SNTG1: variants seen among roughly 807,000 people sequenced by gnomAD.
SNTG1 encodes the protein gamma-1-syntrophin.
SNTG1 carries 39 observed loss-of-function variants against 74.7 expected under a neutral mutation model. That is an observed-to-expected ratio of 0.52 (90% CI 0.40 to 0.68). The LOEUF is 0.68. Ranked by LOEUF, SNTG1 falls within the 30% of genes least tolerant of loss-of-function variation. SNTG1 has a pLI of 0.00. For synonymous variants in SNTG1, 254 were observed against 217.1 expected (o/e 1.17, Z -1.49); for missense variants, 685 against 609.5 (o/e 1.12, Z -1.30).
rs376851193 is a variant in SNTG1, at chr8:49,992,882, A to C, written c.-103+80651A>C. Among the ~76,000 whole-genome samples the C allele has an allele frequency of 3.6e-4, 55 of 152,354 alleles. No individual in the cohort carries two copies. The East Asian group carries it at 3.9e-3, about 11-fold the overall frequency. On this transcript the variant is annotated intron_variant, in intron 1 of 18. Coordinates refer to ENST00000642720, the MANE Select transcript of SNTG1 (RefSeq NM_018967.5). ...CACACATACTAAAATCACCTTTATT[A>C]GAATAACACTAGTGATAATTATATT...
intron 2 of SNTG1, among the ~76,000 whole-genome samples, chr8:50,253,322 C>A (rs930670591): frequency 5.9e-5 from 9 of 151,886 alleles, no homozygotes; most frequent in African/African-American, 2.2e-4. Context: ...ACTCAGGAGG[C>A]TGAGACAGGG....
At chr8:50,277,858 A>G (rs894456878) in intron 2 of SNTG1, among the ~76,000 whole-genome samples, 2 of 152,190 alleles carry the variant, frequency 1.3e-5, no homozygotes, top group Non-Finnish European at 2.9e-5. Flanking sequence ...ATCGATGGTT[A>G]TGAAAGGTAC....
At chr8:49,973,396 A>G (rs318900) in intron 1 of SNTG1, among the ~76,000 whole-genome samples, 132,971 of 151,844 alleles carry the variant, frequency 0.88, 58,397 homozygotes, top group East Asian at 1. Flanking sequence ...GTAGCATTAG[A>G]AGATATACCT....
intron 1 of SNTG1, among the ~76,000 whole-genome samples, chr8:50,127,729 A>G (rs572088195): frequency 6.6e-6 from 1 of 152,328 alleles, no homozygotes; most frequent in South Asian, 2.1e-4. Context: ...TATATTTCCA[A>G]AGTTATCTCA....
chr8:50,170,438 CACA>C (rs1563689936), intron 1 of SNTG1, among the ~76,000 whole-genome samples: 1 of 151,974 alleles, frequency 6.6e-6, no homozygotes, highest in African/African-American at 2.4e-5. Context: ...ATTATTTTGA[CACA>C]ACATCTAATT....
At chr8:50,507,949 G>T (rs1450372796) in intron 9 of SNTG1, among the ~76,000 whole-genome samples, 1 of 149,560 alleles carries the variant, frequency 6.7e-6, no homozygotes, top group Non-Finnish European at 1.5e-5. Context: ...TTAAGTTTTA[G>T]GGTACATGTA....
chr8:50,548,257 C>A (rs888489471), intron 11 of SNTG1, among the ~76,000 whole-genome samples: 2 of 152,042 alleles, frequency 1.3e-5, no homozygotes, highest in African/African-American at 4.8e-5. Context: ...GAAAAATAAC[C>A]ACGTAATTTG....
intron 8 of SNTG1, among the ~76,000 whole-genome samples, chr8:50,498,886 T>C (rs968172084): frequency 6.6e-6 from 1 of 151,780 alleles, no homozygotes; most frequent in Non-Finnish European, 1.5e-5. Flanking sequence ...GTTGAAAAAT[T>C]GTTGTTTATT....
intron 13 of SNTG1, among the ~76,000 whole-genome samples, chr8:50,615,696 T>C (rs1372525827): frequency 6.6e-6 from 1 of 152,184 alleles, no homozygotes; most frequent in Non-Finnish European, 1.5e-5. Flanking sequence ...GAGAACTTAA[T>C]GTAAAGAATT....
intron 12 of SNTG1, among the ~76,000 whole-genome samples, chr8:50,569,226 C>T (rs764173611): frequency 3.9e-5 from 6 of 152,052 alleles, no homozygotes; most frequent in African/African-American, 7.2e-5. Flanking sequence ...TTGCTTAATA[C>T]GGAAGATGTA....
chr8:50,526,640 T>C (rs1249682194), intron 9 of SNTG1, among the ~76,000 whole-genome samples: 2 of 64,618 alleles, frequency 3.1e-5, no homozygotes, highest in South Asian at 6.9e-4. Flanking sequence ...AACACATATA[T>C]ACACGCATAT....
intron 17 of SNTG1, among the ~76,000 whole-genome samples, chr8:50,739,562 G>T (rs1338994868): frequency 6.6e-6 from 1 of 152,022 alleles, no homozygotes; most frequent in African/African-American, 2.4e-5. Flanking sequence ...CCATTACTGG[G>T]TATATACTGG....
chr8:50,051,465 T>C (rs962342264), intron 1 of SNTG1, among the ~76,000 whole-genome samples: 5 of 152,146 alleles, frequency 3.3e-5, no homozygotes, highest in Admixed American at 2.0e-4. Context: ...CAAACATGTA[T>C]GCATTGTTTC....
intron 15 of SNTG1, among the ~76,000 whole-genome samples, chr8:50,702,657 T>C (rs966870311): frequency 1.3e-5 from 2 of 152,206 alleles, no homozygotes; most frequent in African/African-American, 2.4e-5. Flanking sequence ...ATAGCATATA[T>C]ACAGTCATTT....
At chr8:50,678,342 A>G (rs1401160616) in intron 15 of SNTG1, among the ~76,000 whole-genome samples, 2 of 152,070 alleles carry the variant, frequency 1.3e-5, no homozygotes, top group Non-Finnish European at 2.9e-5. Context: ...GAAAGTGAAG[A>G]TTACAGATAT....
intron 4 of SNTG1, among the ~76,000 whole-genome samples, chr8:50,433,375 T>G (rs781536642): frequency 6.6e-6 from 1 of 152,186 alleles, no homozygotes; most frequent in East Asian, 1.9e-4. Context: ...CATCAAGATA[T>G]TGAATGGCAA....
intron 2 of SNTG1, among the ~76,000 whole-genome samples, chr8:50,294,215 G>A (rs564695017): frequency 2.4e-4 from 36 of 152,156 alleles, no homozygotes; most frequent in African/African-American, 5.1e-4. Context: ...CTAAAACTGC[G>A]ACAAGTAAAA....
At chr8:50,198,148 G>T (rs187307107) in intron 2 of SNTG1, among the ~76,000 whole-genome samples, 2 of 152,122 alleles carry the variant, frequency 1.3e-5, no homozygotes, top group African/African-American at 2.4e-5. Context: ...CCCATTTGCC[G>T]CCCCTCAGCA....
chr8:49,954,769 C>A (rs935209792), intron 1 of SNTG1, among the ~76,000 whole-genome samples: 1 of 151,940 alleles, frequency 6.6e-6, no homozygotes, highest in African/African-American at 2.4e-5. Flanking sequence ...TAAAGCATAT[C>A]GACTTACTTA....
Sources: gnomAD v4.1 joint callset for allele counts (sites outside exome capture counted in the v4.1 genomes callset) on GRCh38, gnomAD v4.1.1 for gene constraint, MANE v1.5 for transcripts, NCBI Gene and HGNC (gene_info 2026-07-23, HGNC 2026-07-21) for gene names.